Variants in PSMA8 observed in about 807,000 individuals in gnomAD.
The protein encoded by PSMA8 is proteasome 20S subunit alpha 8, also known as proteasome subunit alpha-type 8.
In PSMA8, 18 loss-of-function variants were observed where a neutral mutation model predicts 32.4. That is an observed-to-expected ratio of 0.56 (90% CI 0.38 to 0.82). PSMA8 has a LOEUF of 0.82. Among genes scored for constraint, PSMA8 ranks in the 40% least tolerant of loss-of-function variants. PSMA8 has a pLI of 0.00. For missense variants in PSMA8, 298 were observed against 300.7 expected, an observed-to-expected ratio of 0.99 and a Z score of 0.07; for synonymous variants, 104 against 98.1, an observed-to-expected ratio of 1.06 and a Z score of -0.36.
chr18:26,173,213 C>T (rs1323896119), intron 4 of PSMA8, among the ~76,000 whole-genome samples: 12 of 152,292 alleles, frequency 7.9e-5, no homozygotes, highest in African/African-American at 2.4e-4. Context: ...TTAACTCCTC[C>T]GTTGCTTTCC....
chr18:26,148,467 T>C (rs2055020737), intron 2 of PSMA8, among the ~76,000 whole-genome samples: 1 of 152,052 alleles, frequency 6.6e-6, no homozygotes, highest in African/African-American at 2.4e-5. Context: ...TTTAACACTC[T>C]TTCTTGGTAA....
chr18:26,153,230 T>C (rs2055060667), intron 3 of PSMA8, among the ~76,000 whole-genome samples: 2 of 152,306 alleles, frequency 1.3e-5, no homozygotes, highest in Non-Finnish European at 2.9e-5. Flanking sequence ...TTTAGTTACA[T>C]TGTTCCTGGT....
intron 1 of PSMA8, among the ~76,000 whole-genome samples, chr18:26,136,175 G>C (rs2054910083): frequency 1.3e-5 from 2 of 152,320 alleles, no homozygotes; most frequent in South Asian, 4.1e-4. Context: ...AGCATGAAAG[G>C]AGACAAGAGG....
intron 2 of PSMA8, among the ~76,000 whole-genome samples, chr18:26,150,340 C>CTT (rs1358588841): frequency 2.1e-5 from 3 of 143,828 alleles, no homozygotes; most frequent in African/African-American, 7.6e-5. Flanking sequence ...AATTTGATTC[C>CTT]TTTTTTTTTT....
At chr18:26,148,026 G>A (rs2055017587) in intron 2 of PSMA8, among the ~76,000 whole-genome samples, 1 of 152,094 alleles carries the variant, frequency 6.6e-6, no homozygotes, top group African/African-American at 2.4e-5. Context: ...CATTGAATGA[G>A]TTATTAAAAA....
chr18:26,142,002 T>A (rs2054961665), intron 1 of PSMA8, among the ~76,000 whole-genome samples: 1 of 151,818 alleles, frequency 6.6e-6, no homozygotes, highest in Non-Finnish European at 1.5e-5. Context: ...AGTTCTACAT[T>A]TCATCTATTG....
chr18:26,146,935 A>C (rs1268708862), intron 2 of PSMA8, among the ~76,000 whole-genome samples: 1 of 152,170 alleles, frequency 6.6e-6, no homozygotes, highest in African/African-American at 2.4e-5. Flanking sequence ...GTAAGCTTTC[A>C]ATCATGGTAG....
intron 1 of PSMA8, among the ~76,000 whole-genome samples, chr18:26,134,987 A>C (rs1443730453): frequency 6.6e-6 from 1 of 152,092 alleles, no homozygotes; most frequent in Non-Finnish European, 1.5e-5. Flanking sequence ...AAATTGTCCC[A>C]ATATTTCCCA....
rs566739248 is a variant in PSMA8, at chr18:26,162,593, C to T, written c.477+4349C>T. ...ACAAAAATAAAATCCTGGCTGGGCG[C>T]GGTGTCTCATGCCTGTAATCCCAGC... On this transcript the variant is annotated intron_variant, in intron 4 of 6. Transcript: ENST00000415576. 3.4e-4 allele frequency among the ~76,000 whole-genome samples: 51 copies of T among 152,222 alleles called. 1 individual carries two copies. In the South Asian group the frequency reaches 9.6e-3, roughly 29 times the overall value.
intron 6 of PSMA8, among the ~76,000 whole-genome samples, chr18:26,191,343 T>C (rs2055400729): frequency 6.6e-6 from 1 of 152,114 alleles, no homozygotes. Context: ...ATAATTGCTG[T>C]CTTGGCCAGG....
chr18:26,143,090 T>C (rs976088218), intron 1 of PSMA8, among the ~76,000 whole-genome samples: 2 of 152,238 alleles, frequency 1.3e-5, no homozygotes, highest in African/African-American at 4.8e-5. Flanking sequence ...TCTTCTTTCA[T>C]TTTGCTTAAT....
intron 2 of PSMA8, among the ~76,000 whole-genome samples, chr18:26,146,159 C>T (rs899704037): frequency 4.0e-5 from 6 of 148,484 alleles, no homozygotes; most frequent in African/African-American, 1.5e-4. Context: ...ATAAGACATG[C>T]CTCTTGTCTT....
intron 2 of PSMA8, among the ~76,000 whole-genome samples, chr18:26,145,188 T>G (rs8083901): frequency 0.26 from 38,845 of 151,984 alleles, 8,778 homozygotes; most frequent in African/African-American, 0.6. Flanking sequence ...GCGCGATCTC[T>G]GCTCACTGCA....
chr18:26,177,806 C>A (rs1329442155), intron 4 of PSMA8, among the ~76,000 whole-genome samples: 1 of 152,142 alleles, frequency 6.6e-6, no homozygotes, highest in Non-Finnish European at 1.5e-5. Context: ...AGGTAAATAG[C>A]TTTCTTCATG....
chr18:26,189,846 A>T (rs961704654), intron 6 of PSMA8, among the ~76,000 whole-genome samples: 1 of 152,236 alleles, frequency 6.6e-6, no homozygotes, highest in Non-Finnish European at 1.5e-5. Flanking sequence ...CTGCACTCCC[A>T]TGTTAATTGC....
intron 4 of PSMA8, among the ~76,000 whole-genome samples, chr18:26,176,114 G>A (rs1258051968): frequency 2.0e-5 from 3 of 152,250 alleles, no homozygotes; most frequent in South Asian, 2.1e-4. Flanking sequence ...AAGTGGACTG[G>A]GGTGGGTGAT....
chr18:26,156,982 C>G (rs1163355202), intron 3 of PSMA8, among the ~76,000 whole-genome samples: 1 of 150,746 alleles, frequency 6.6e-6, no homozygotes, highest in Non-Finnish European at 1.5e-5. Flanking sequence ...ACAGGGTTTC[C>G]CTATGTTGCC....
intron 2 of PSMA8, 41 bp downstream of exon 2, chr18:26,144,726 G>GCCC (rs2054988829): frequency 1.2e-6 from 2 of 1,601,638 alleles, no homozygotes; most frequent in Non-Finnish European, 1.7e-6. Context: ...GTGTCTTACT[G>GCCC]TAGTAGGGCA....
In PSMA8 at chr18:26,148,472, T is replaced by A. The variant is rs143654742; in HGVS notation, c.230-3386T>A. 4.5e-3 allele frequency among the ~76,000 whole-genome samples: 686 copies of A among 152,160 alleles called. 7 individuals carry two copies. The highest frequency in any genetic ancestry group is 0.016 in the African/African-American group (662 of 41,532). On this transcript the variant is annotated intron_variant, in intron 2 of 6. Coordinates refer to ENST00000415576, the MANE Select transcript of PSMA8 (RefSeq NM_001025096.2). ...TTTGACAAAATTTAACACTCTTTCT[T>A]GGTAATGGCACCCAACAAACTAGAA...
Sources: gnomAD v4.1 joint callset for allele counts (sites outside exome capture counted in the v4.1 genomes callset) on GRCh38, gnomAD v4.1.1 for gene constraint, MANE v1.5 for transcripts, NCBI Gene and HGNC (gene_info 2026-07-23, HGNC 2026-07-21) for gene names.